The following TBC1D23 variants were observed in gnomAD, a reference collection of about 807,000 sequenced individuals.
TBC1D23 encodes HCV non-structural protein 4A-transactivated protein 1.
Under a neutral mutation model 91.4 loss-of-function variants are expected in TBC1D23, and 55 were observed. The observed-to-expected ratio is 0.60, with a 90% confidence interval of 0.48 to 0.75. The LOEUF is 0.75. TBC1D23 is among the 30% of genes least tolerant of loss of function. The pLI is 0.00. For missense variants in TBC1D23, 725 were observed against 836.1 expected (o/e 0.87, Z 1.64); for synonymous variants, 289 against 281.0 (o/e 1.03, Z -0.28).
At chr3:100,302,945 A>G (rs1477065108) in intron 11 of TBC1D23, among the ~76,000 whole-genome samples, 1 of 152,226 alleles carries the variant, frequency 6.6e-6, no homozygotes, top group African/African-American at 2.4e-5. Flanking sequence ...TACAGTAACT[A>G]TATGATTCAT....
chr3:100,268,071 T>C (rs1354835679), intron 1 of TBC1D23, among the ~76,000 whole-genome samples: 1 of 151,844 alleles, frequency 6.6e-6, no homozygotes, highest in Non-Finnish European at 1.5e-5. Flanking sequence ...ACTTGGGAGG[T>C]TGAGGCAGAA....
chr3:100,294,082 A>G (rs571303542), intron 5 of TBC1D23, among the ~76,000 whole-genome samples: 1 of 152,154 alleles, frequency 6.6e-6, no homozygotes, highest in Non-Finnish European at 1.5e-5. Context: ...GCTGTTAAAA[A>G]TTTTTTAAAT....
chr3:100,299,592 C>G (rs542627308), intron 10 of TBC1D23, among the ~76,000 whole-genome samples: 8 of 152,288 alleles, frequency 5.3e-5, no homozygotes, highest in African/African-American at 1.9e-4. Flanking sequence ...TCACTGCAAC[C>G]TCTGCCTCCT....
At position 100,323,844 on chromosome 3, in the gene TBC1D23, T is replaced by A; in HGVS notation, c.*176T>A. ...CTGTGGACAGTAAACTTTTTAAAAA[T>A]TTTTCTTCTGCATTTTGGTTTTATA... is the stretch of plus-strand genomic sequence containing the variant. On this transcript the variant is annotated 3_prime_UTR_variant, in exon 19 of 19. Transcript: ENST00000394144. 7.6e-6 allele frequency: 2 copies of A among 264,672 alleles called. No individual in the cohort carries two copies. The highest frequency in any genetic ancestry group is 7.3e-6 in the Non-Finnish European group (1 of 136,258). The allele number at this position is 264,672 out of a possible 1,614,324, so 16.4% of individuals were successfully genotyped here. A position where few individuals can be genotyped will look rare whatever the true frequency, so the allele number is the denominator to read the frequency against.
At chr3:100,310,598 T>C in intron 14 of TBC1D23, 56 bp downstream of exon 14, 1 of 1,342,856 alleles carries the variant, frequency 7.4e-7, no homozygotes, top group Non-Finnish European at 1.0e-6. Context: ...AAAGAAACAA[T>C]GTCTTAGAGT....
At chr3:100,298,082 C>T in intron 9 of TBC1D23, 37 bp downstream of exon 9, 1 of 1,583,010 alleles carries the variant, frequency 6.3e-7, no homozygotes, top group South Asian at 1.1e-5. Flanking sequence ...GGGGACTGTT[C>T]ATTTTAAATA....
At chr3:100,273,996 A>G (rs1223198255) in intron 1 of TBC1D23, among the ~76,000 whole-genome samples, 2 of 152,214 alleles carry the variant, frequency 1.3e-5, no homozygotes, top group Non-Finnish European at 2.9e-5. Flanking sequence ...GTCTATATAT[A>G]TGTCTATAAA....
At chr3:100,269,786 C>CA (rs1402273142) in intron 1 of TBC1D23, among the ~76,000 whole-genome samples, 2 of 152,214 alleles carry the variant, frequency 1.3e-5, no homozygotes, top group African/African-American at 4.8e-5. Context: ...GCTGATGTCT[C>CA]ATTCCCTGGG....
Position 100,325,120 on chromosome 3 carries a change from C to CT in TBC1D23, c.*1453dup, listed in dbSNP as rs1416577664. On this transcript the variant is annotated 3_prime_UTR_variant, in exon 19 of 19. Transcript: ENST00000394144. ...TTCTTGGCACCCCTTTAGAAATGTA[C>CT]TGAAGTCTCATTTTTCACCCATTTC... 1 of 152,114 alleles carries CT rather than the reference C, an allele frequency of 6.6e-6. No homozygotes were observed. Among genetic ancestry groups the CT allele is most frequent in the East Asian group, 1.9e-4 (1 of 5,200 alleles). The allele number at this position is 152,114 out of a possible 1,614,324, so 9.4% of individuals were successfully genotyped here.
At chr3:100,302,594 A>G (rs1442239815) in intron 11 of TBC1D23, among the ~76,000 whole-genome samples, 4 of 151,738 alleles carry the variant, frequency 2.6e-5, no homozygotes, top group African/African-American at 9.7e-5. Flanking sequence ...TCTATTTGTT[A>G]TTATTTTTTT....
intron 1 of TBC1D23, chr3:100,261,406 A>T (rs1300774970): frequency 2.7e-5 from 10 of 364,968 alleles, no homozygotes; most frequent in African/African-American, 6.3e-5. Context: ...GAGTTGGAGT[A>T]GGCTGAAGAA....
intron 3 of TBC1D23, among the ~76,000 whole-genome samples, chr3:100,282,979 TTTCC>T (rs2067707846): frequency 1.3e-5 from 2 of 152,270 alleles, no homozygotes; most frequent in African/African-American, 4.8e-5. Context: ...CTTCTGTTTC[TTTCC>T]CTTCTCTCTC....
At chr3:100,314,512 G>A (rs1383928590) in intron 15 of TBC1D23, among the ~76,000 whole-genome samples, 1 of 152,174 alleles carries the variant, frequency 6.6e-6, no homozygotes, top group Non-Finnish European at 1.5e-5. Context: ...GTTCACACCT[G>A]TAATCTCAGC....
chr3:100,312,867 C>T (rs76946171), intron 15 of TBC1D23, among the ~76,000 whole-genome samples: 6,128 of 152,048 alleles, frequency 0.04, 398 homozygotes, highest in African/African-American at 0.14. Context: ...TAAGACTATA[C>T]TTTCAGCCGG....
intron 8 of TBC1D23, among the ~76,000 whole-genome samples, chr3:100,297,210 T>A (rs1436615933): frequency 6.6e-6 from 1 of 152,202 alleles, no homozygotes; most frequent in East Asian, 1.9e-4. Flanking sequence ...TAATAATTTC[T>A]AGTTGGTACT....
chr3:100,261,099 A>G lies in TBC1D23; in HGVS notation c.53+28A>G, dbSNP rs143580360. 5.9e-5 allele frequency: 94 copies of G among 1,602,264 alleles called. No individual in the cohort carries two copies. In the East Asian group the frequency reaches 1.1e-3, roughly 19 times the overall value. ...GAGTGAAAGCCGGGGCTAATTTCCAATGCCCCTTTATTCTTCCTTCTCACC... is the reference window on the plus strand; with the variant it reads ...GAGTGAAAGCCGGGGCTAATTTCCAGTGCCCCTTTATTCTTCCTTCTCACC... On this transcript the variant is annotated intron_variant, in intron 1 of 18. Transcript: ENST00000394144.
chr3:100,317,735 G>T (rs1705775633), intron 16 of TBC1D23, among the ~76,000 whole-genome samples: 1 of 151,884 alleles, frequency 6.6e-6, no homozygotes, highest in Admixed American at 6.6e-5. Context: ...CATTAACAAA[G>T]GGGAGAGGCA....
chr3:100,292,341 T>C (rs954535764), intron 5 of TBC1D23, among the ~76,000 whole-genome samples: 1 of 152,206 alleles, frequency 6.6e-6, no homozygotes, highest in African/African-American at 2.4e-5. Flanking sequence ...TTTTATTATG[T>C]ATTACTTAAC....
rs551206030 is a variant in TBC1D23, at chr3:100,265,017, G to A, written c.53+3946G>A. On this transcript the variant is annotated intron_variant, in intron 1 of 18. Coordinates refer to ENST00000394144, the MANE Select transcript of TBC1D23 (RefSeq NM_001199198.3). ...CCACACTTAAGTTAGCAGGGTTCTA[G>A]GTTATATATATATCAGAATGAGTAG... Among the ~76,000 whole-genome samples, 5 of 152,198 alleles carry A rather than the reference G, an allele frequency of 3.3e-5. No individual in the cohort carries two copies. The South Asian group carries it at 1.0e-3, about 32-fold the overall frequency.
Sources: allele counts gnomAD v4.1 joint callset (sites outside exome capture counted in the v4.1 genomes callset), GRCh38; gene constraint gnomAD v4.1.1; transcripts MANE v1.5; gene names NCBI Gene and HGNC (gene_info 2026-07-23, HGNC 2026-07-21).